Variants in NDUFAF2 observed in about 807,000 individuals in gnomAD.
The protein encoded by NDUFAF2 is NADH dehydrogenase [ubiquinone] 1 alpha subcomplex assembly factor 2.
NDUFAF2 carries 13 observed loss-of-function variants against 22.8 expected under a neutral mutation model. That is an observed-to-expected ratio of 0.57 (90% CI 0.37 to 0.91). The LOEUF is 0.91. Among genes scored for constraint, NDUFAF2 ranks in the 40% least tolerant of loss-of-function variants. The pLI is 0.01. For missense variants in NDUFAF2, 162 were observed against 195.2 expected, an observed-to-expected ratio of 0.83 and a Z score of 1.01; for synonymous variants, 53 against 64.2, an observed-to-expected ratio of 0.83 and a Z score of 0.84.
At chr5:60,976,809 T>TA (rs570044375) in intron 1 of NDUFAF2, among the ~76,000 whole-genome samples, 131 of 152,304 alleles carry the variant, frequency 8.6e-4, no homozygotes, top group Non-Finnish European at 1.6e-3. Flanking sequence ...AGGAACCTGA[T>TA]ACGTTATTCT....
chr5:60,958,794 T>C (rs1024320023), intron 1 of NDUFAF2, among the ~76,000 whole-genome samples: 2 of 152,166 alleles, frequency 1.3e-5, no homozygotes, highest in African/African-American at 4.8e-5. Context: ...CTTTTTATTA[T>C]GGTAAATTGG....
At chr5:61,116,641 T>C (rs1217278560) in intron 3 of NDUFAF2, 1 of 152,208 alleles carries the variant, frequency 6.6e-6, no homozygotes, top group African/African-American at 2.4e-5. Context: ...TACCTAGTTT[T>C]ATGATTTAAG....
In NDUFAF2 at chr5:61,152,900, A is replaced by G. The variant is rs770536267; in HGVS notation, c.455A>G (p.Lys152Arg). Residue 152 changes from lysine (K) to arginine (R), a missense_variant, in exon 4 of 4, where the codon AAA (lysine) becomes AGA (arginine). Coordinates refer to ENST00000296597, the MANE Select transcript of NDUFAF2 (RefSeq NM_174889.5). Reference protein sequence around the residue: ...EPSVAPSSTGKTFQPGSWMPR... With the variant: ...EPSVAPSSTGRTFQPGSWMPR... The stretch of plus-strand genomic sequence containing the variant: ...TCAGTGGCTCCCAGCAGCACTGGTA[A>G]AACCTTTCAGCCAGGATCCTGGATG... 5 of 1,613,480 alleles carry G rather than the reference A, an allele frequency of 3.1e-6. No individual in the cohort carries two copies. The African/African-American group carries it at 5.3e-5, about 17-fold the overall frequency.
chr5:60,971,678 GT>G (rs1196399927), intron 1 of NDUFAF2, among the ~76,000 whole-genome samples: 1 of 137,258 alleles, frequency 7.3e-6, no homozygotes, highest in African/African-American at 2.8e-5. Flanking sequence ...TGTTCTCATT[GT>G]TCAGTTCCCA....
At chr5:61,087,854 A>G (rs547131290) in intron 2 of NDUFAF2, among the ~76,000 whole-genome samples, 1 of 152,272 alleles carries the variant, frequency 6.6e-6, no homozygotes, top group Admixed American at 6.5e-5. Context: ...TATGCTCATT[A>G]TGTTTGTTTT....
chr5:61,026,427 AAT>A (rs1751651059), intron 1 of NDUFAF2, among the ~76,000 whole-genome samples: 1 of 152,090 alleles, frequency 6.6e-6, no homozygotes, highest in Non-Finnish European at 1.5e-5. Flanking sequence ...TTGATATCTA[AAT>A]ATGTGTTTAG....
At position 61,141,383 on chromosome 5, in the gene NDUFAF2, C is replaced by G. The variant is rs1400418833; in HGVS notation, c.259-11321C>G. Among the ~76,000 whole-genome samples the G allele has an allele frequency of 2.0e-5, 3 of 151,880 alleles. No individual in the cohort carries two copies. In the East Asian group the frequency reaches 5.8e-4, roughly 29 times the overall value. On this transcript the variant is annotated intron_variant, in intron 3 of 3. Transcript: ENST00000296597. ...GCCTCTCTTCCTTAGATTGTGAGTT[C>G]TTTGAGCACAGGGTAAAAGTTGTGT...
rs575566482 is a variant in NDUFAF2 at position 60,950,559 on chromosome 5, T to C, written c.127+5177T>C. ...CTTTTATTAAATTAACAAAGTTCCCTGTCTGTACCTCGTTTGCTGAGCGCT... is the reference window on the plus strand; with the variant it reads ...CTTTTATTAAATTAACAAAGTTCCCCGTCTGTACCTCGTTTGCTGAGCGCT... On this transcript the variant is annotated intron_variant, in intron 1 of 3. Coordinates refer to ENST00000296597, the MANE Select transcript of NDUFAF2 (RefSeq NM_174889.5). Among the ~76,000 whole-genome samples, 8 of 152,224 alleles carry C rather than the reference T, an allele frequency of 5.3e-5. No individual in the cohort carries two copies. The East Asian group carries it at 1.5e-3, about 29-fold the overall frequency.
chr5:61,079,727 T>C (rs954172687), intron 2 of NDUFAF2, among the ~76,000 whole-genome samples: 1 of 152,244 alleles, frequency 6.6e-6, no homozygotes, highest in Non-Finnish European at 1.5e-5. Flanking sequence ...CTTTCCTTGA[T>C]GGGGCCCTCT....
chr5:60,980,950 C>T (rs911998539), intron 1 of NDUFAF2, among the ~76,000 whole-genome samples: 4 of 151,626 alleles, frequency 2.6e-5, no homozygotes, highest in Non-Finnish European at 5.9e-5. Context: ...AGAATGTAGC[C>T]TCATAAGGGC....
chr5:60,966,678 T>A (rs528072175), intron 1 of NDUFAF2, among the ~76,000 whole-genome samples: 1 of 152,252 alleles, frequency 6.6e-6, no homozygotes, highest in South Asian at 2.1e-4. Context: ...AATGCATGGC[T>A]TTATTTCTGG....
intron 3 of NDUFAF2, among the ~76,000 whole-genome samples, chr5:61,112,321 C>G (rs949924372): frequency 6.7e-6 from 1 of 148,270 alleles, no homozygotes; most frequent in African/African-American, 2.5e-5. Context: ...TCAAGCAATT[C>G]TCCTGCCTCA....
intron 2 of NDUFAF2, among the ~76,000 whole-genome samples, chr5:61,076,504 C>G (rs980556903): frequency 2.0e-5 from 3 of 152,204 alleles, no homozygotes; most frequent in Non-Finnish European, 4.4e-5. Context: ...AGCCCTGAGG[C>G]AGGAACATGC....
intron 1 of NDUFAF2, among the ~76,000 whole-genome samples, chr5:61,005,691 A>G (rs184092160): frequency 1.2e-4 from 19 of 152,214 alleles, no homozygotes; most frequent in African/African-American, 3.9e-4. Context: ...ATGGCCCTCA[A>G]TGATGATGAG....
chr5:61,136,862 C>T (rs2111821150), intron 3 of NDUFAF2, among the ~76,000 whole-genome samples: 1 of 152,258 alleles, frequency 6.6e-6, no homozygotes, highest in South Asian at 2.1e-4. Flanking sequence ...AAGGCTCACT[C>T]CTGGGGAGTG....
intron 1 of NDUFAF2, among the ~76,000 whole-genome samples, chr5:61,047,675 C>CTG (rs1160601664): frequency 2.0e-5 from 3 of 151,902 alleles, no homozygotes; most frequent in Non-Finnish European, 4.4e-5. Context: ...TTGTCTTTAT[C>CTG]TGGTAGGATT....
At chr5:61,002,819 T>C (rs1751314087) in intron 1 of NDUFAF2, among the ~76,000 whole-genome samples, 1 of 152,186 alleles carries the variant, frequency 6.6e-6, no homozygotes, top group Admixed American at 6.6e-5. Context: ...AATTTCCATC[T>C]GTTCAATTGG....
chr5:60,999,033 A>G (rs1428215522), intron 1 of NDUFAF2, among the ~76,000 whole-genome samples: 1 of 152,068 alleles, frequency 6.6e-6, no homozygotes, highest in African/African-American at 2.4e-5. Flanking sequence ...TAGATTGTGT[A>G]TATTTCAAAT....
chr5:61,130,496 C>T (rs764131521), intron 3 of NDUFAF2, among the ~76,000 whole-genome samples: 16 of 152,148 alleles, frequency 1.1e-4, no homozygotes, highest in Non-Finnish European at 2.4e-4. Flanking sequence ...TCTTATATAA[C>T]TTGCCTGACT....
Sources: allele counts gnomAD v4.1 joint callset (sites outside exome capture counted in the v4.1 genomes callset), GRCh38; gene constraint gnomAD v4.1.1; transcripts MANE v1.5; gene names NCBI Gene and HGNC (gene_info 2026-07-23, HGNC 2026-07-21).